Variants in PPFIBP2 observed in about 807,000 individuals in gnomAD.
PPFIBP2 encodes the protein PPFIB scaffold protein 2, also known as liprin-beta-2.
Under a neutral mutation model 118.3 loss-of-function variants are expected in PPFIBP2, and 118 were observed. The ratio of observed to expected loss-of-function variants is 1.00; its 90% CI spans 0.86 to 1.16. The LOEUF is 1.16. Ranked by LOEUF, PPFIBP2 falls within the 50% of genes most tolerant of loss-of-function variation. The pLI, the probability that PPFIBP2 is intolerant of heterozygous loss-of-function variation, is 0.00. For synonymous variants in PPFIBP2, 414 were observed against 397.4 expected (o/e 1.04, Z -0.50); for missense variants, 1,195 against 1,073.1 (o/e 1.11, Z -1.59).
chr11:7,632,673 C>G (rs983277752), intron 11 of PPFIBP2, 194 bp from the exon 12 acceptor site: 1 of 520,160 alleles, frequency 1.9e-6, no homozygotes, highest in Non-Finnish European at 3.5e-6. Context: ...GGCAAGCTGG[C>G]CCAGATGGAC....
At chr11:7,524,216 C>A (rs1054705961) in intron 1 of PPFIBP2, among the ~76,000 whole-genome samples, 1 of 151,892 alleles carries the variant, frequency 6.6e-6, no homozygotes, top group African/African-American at 2.4e-5. Context: ...GGGGGTAGAG[C>A]CACAGCTCAA....
intron 7 of PPFIBP2, among the ~76,000 whole-genome samples, chr11:7,621,325 C>T (rs1849329632): frequency 6.6e-6 from 1 of 152,188 alleles, no homozygotes; most frequent in Non-Finnish European, 1.5e-5. Flanking sequence ...GTGGGGAGAG[C>T]AGGTGAGTGG....
chr11:7,607,824 TTTAAC>T (rs751289289), intron 5 of PPFIBP2, among the ~76,000 whole-genome samples: 8 of 152,256 alleles, frequency 5.3e-5, no homozygotes, highest in African/African-American at 1.9e-4. Context: ...TAACTCTGAC[TTTAAC>T]TTATTTTCCT....
At chr11:7,625,490 C>T (rs1434696990) in intron 7 of PPFIBP2, among the ~76,000 whole-genome samples, 4 of 152,244 alleles carry the variant, frequency 2.6e-5, no homozygotes, top group African/African-American at 9.6e-5. Context: ...CATCACAATC[C>T]TAATCCTCAC....
intron 2 of PPFIBP2, among the ~76,000 whole-genome samples, chr11:7,554,932 C>G (rs1374189857): frequency 1.3e-5 from 2 of 151,982 alleles, no homozygotes; most frequent in Non-Finnish European, 2.9e-5. Flanking sequence ...TATGAAAGAC[C>G]ATTATTATAG....
chr11:7,632,807 G>A, intron 11 of PPFIBP2, 60 bp from the exon 12 acceptor site: 1 of 1,357,414 alleles, frequency 7.4e-7, no homozygotes, highest in Non-Finnish European at 1.1e-6. Flanking sequence ...CAGGGGGAAA[G>A]ATGGTGGGTG....
intron 3 of PPFIBP2, chr11:7,577,353 T>G (rs75474132): frequency 0.01 from 2,595 of 256,798 alleles, 65 homozygotes; most frequent in African/African-American, 0.065. Context: ...GTGTGTGTGT[T>G]TGTTGGGGTG....
intron 6 of PPFIBP2, among the ~76,000 whole-genome samples, chr11:7,617,563 T>C (rs1239873102): frequency 6.6e-6 from 1 of 152,108 alleles, no homozygotes; most frequent in Non-Finnish European, 1.5e-5. Flanking sequence ...CACCAGGTGC[T>C]CCGAGTGATG....
chr11:7,597,112 G>C (rs1020162718), intron 4 of PPFIBP2: 100 of 1,370,662 alleles, frequency 7.3e-5, no homozygotes, highest in Non-Finnish European at 8.4e-5. Context: ...TAGGTGAGCA[G>C]TCCTCACACC....
Position 7,649,514 on chromosome 11 carries a change from C to G in PPFIBP2, c.1999-18C>G. The G allele has an allele frequency of 6.2e-7, 1 of 1,613,878 alleles. No homozygotes were observed. Among genetic ancestry groups the G allele is most frequent in the Non-Finnish European group, 8.5e-7 (1 of 1,179,894 alleles). ...ACTTTGGAAACTCTGGTTTATAAAC[C>G]AAACTTTCCTCTTTCAGAACGATTT... On this transcript the variant is annotated intron_variant, in intron 20 of 23. Coordinates refer to ENST00000299492, the MANE Select transcript of PPFIBP2 (RefSeq NM_003621.5).
intron 12 of PPFIBP2, 33 bp from the exon 13 acceptor site, chr11:7,634,462 C>A: frequency 6.5e-7 from 1 of 1,546,480 alleles, no homozygotes; most frequent in Non-Finnish European, 8.9e-7. Flanking sequence ...ACCTCCTTCT[C>A]ATAACTATTT....
chr11:7,514,278 G>T (rs1363914478), intron 1 of PPFIBP2, among the ~76,000 whole-genome samples, 157 bp downstream of exon 1: 2 of 152,220 alleles, frequency 1.3e-5, no homozygotes, highest in African/African-American at 4.8e-5. Context: ...TCCCAGGCTC[G>T]AGGACGGGGA....
chr11:7,652,999 T>A (rs1854279039), intron 23 of PPFIBP2, 25 bp from the exon 24 acceptor site: 1 of 1,592,194 alleles, frequency 6.3e-7, no homozygotes, highest in Non-Finnish European at 8.6e-7. Context: ...TGCCTTCTCA[T>A]AATCTTGCAT....
Position 7,517,268 on chromosome 11 carries a change from T to G in PPFIBP2, c.-37+3147T>G, listed in dbSNP as rs190838885. 2.2e-3 allele frequency among the ~76,000 whole-genome samples: 328 copies of G among 152,238 alleles called. 2 individuals carry two copies. Among genetic ancestry groups the G allele is most frequent in the South Asian group, 6.0e-3 (29 of 4,828 alleles). On this transcript the variant is annotated intron_variant, in intron 1 of 23. Coordinates refer to ENST00000299492, the MANE Select transcript of PPFIBP2 (RefSeq NM_003621.5). Reference sequence around the variant, plus strand: ...GAGTGAGGGTGATGAGTTCAGCTTTTTGGGAGGTGGTGCCTGGGAGGAGCA... The same window carrying G: ...GAGTGAGGGTGATGAGTTCAGCTTTGTGGGAGGTGGTGCCTGGGAGGAGCA...
intron 1 of PPFIBP2, among the ~76,000 whole-genome samples, chr11:7,532,663 A>C (rs1009449054): frequency 1.3e-5 from 2 of 152,208 alleles, no homozygotes; most frequent in African/African-American, 4.8e-5. Flanking sequence ...AGAGCTGCTA[A>C]TACCCTCCAG....
chr11:7,549,226 T>C (rs1016365694), intron 1 of PPFIBP2, among the ~76,000 whole-genome samples: 2 of 152,168 alleles, frequency 1.3e-5, no homozygotes, highest in Non-Finnish European at 2.9e-5. Flanking sequence ...GGTTTTTCAT[T>C]ACAGAAGTGA....
chr11:7,525,059 G>A (rs1850103071), intron 1 of PPFIBP2, among the ~76,000 whole-genome samples: 1 of 152,112 alleles, frequency 6.6e-6, no homozygotes, highest in Non-Finnish European at 1.5e-5. Context: ...TTATTGTTCT[G>A]CTTGTGGAAA....
chr11:7,535,885 G>A (rs1045660093), intron 1 of PPFIBP2, among the ~76,000 whole-genome samples: 2 of 152,194 alleles, frequency 1.3e-5, no homozygotes, highest in Non-Finnish European at 1.5e-5. Flanking sequence ...CGGGAGGGGA[G>A]TAGGGTGGGG....
chr11:7,635,905 A>G (rs1275468141), intron 14 of PPFIBP2, among the ~76,000 whole-genome samples: 1 of 152,212 alleles, frequency 6.6e-6, no homozygotes, highest in African/African-American at 2.4e-5. Context: ...ATCTCAGCAC[A>G]CTGAAGAACG....
Sources: allele counts gnomAD v4.1 joint callset (sites outside exome capture counted in the v4.1 genomes callset), GRCh38; gene constraint gnomAD v4.1.1; transcripts MANE v1.5; gene names NCBI Gene and HGNC (gene_info 2026-07-23, HGNC 2026-07-21).